The following CDH4 variants were observed in gnomAD, a reference collection of about 807,000 sequenced individuals.
CDH4 encodes cadherin-4.
Under a neutral mutation model 86.0 loss-of-function variants are expected in CDH4, and 33 were observed. The ratio of observed to expected loss-of-function variants is 0.38; its 90% CI spans 0.29 to 0.51. The LOEUF (loss-of-function observed/expected upper bound fraction) is 0.51. CDH4 is among the 20% of genes least tolerant of loss of function. The pLI, the probability that CDH4 is intolerant of heterozygous loss-of-function variation, is 0.86. For missense variants in CDH4, 1,114 were observed against 1,307.4 expected (o/e 0.85, Z 2.28); for synonymous variants, 555 against 549.4 (o/e 1.01, Z -0.14).
At chr20:61,315,525 AAG>A (rs1454654388) in intron 2 of CDH4, among the ~76,000 whole-genome samples, 3 of 152,170 alleles carry the variant, frequency 2.0e-5, no homozygotes, top group African/African-American at 7.2e-5. Flanking sequence ...CAGAAAGAAA[AAG>A]GACGTGAGAA....
intron 3 of CDH4, among the ~76,000 whole-genome samples, chr20:61,768,526 A>AG (rs761643679): frequency 1.7e-4 from 26 of 152,234 alleles, no homozygotes; most frequent in Non-Finnish European, 2.6e-4. Flanking sequence ...AACAGGCACC[A>AG]GGGAAAATCA....
chr20:61,320,347 G>A (rs2084501265), intron 2 of CDH4, among the ~76,000 whole-genome samples: 1 of 152,264 alleles, frequency 6.6e-6, no homozygotes, highest in Admixed American at 6.5e-5. Context: ...TAGGCACAGG[G>A]TGTCATTTTT....
intron 2 of CDH4, chr20:61,719,190 AT>A (rs11440327): frequency 5.5e-3 from 2,045 of 374,744 alleles, no homozygotes; most frequent in Admixed American, 0.012. Context: ...CTAATCAGAG[AT>A]TTTTTTTTTT....
intron 4 of CDH4, among the ~76,000 whole-genome samples, chr20:61,837,824 C>G (rs1568842227): frequency 6.6e-6 from 1 of 152,154 alleles, no homozygotes; most frequent in Non-Finnish European, 1.5e-5. Context: ...CCTTCTCCTC[C>G]TCCTCCTCAT....
intron 2 of CDH4, among the ~76,000 whole-genome samples, chr20:61,585,826 T>C (rs1406544452): frequency 7.0e-6 from 1 of 142,140 alleles, no homozygotes; most frequent in Non-Finnish European, 1.5e-5. Flanking sequence ...AGGATGGTGA[T>C]GATGGTGATG....
chr20:61,479,183 T>G (rs1440380000), intron 2 of CDH4, among the ~76,000 whole-genome samples: 1 of 40,404 alleles, frequency 2.5e-5, no homozygotes, highest in South Asian at 5.8e-4. Flanking sequence ...TTGTTTTTTG[T>G]TTTTTTGTTT....
At chr20:61,559,543 CAG>C (rs2086201638) in intron 2 of CDH4, among the ~76,000 whole-genome samples, 1 of 72,584 alleles carries the variant, frequency 1.4e-5, no homozygotes, top group Non-Finnish European at 2.5e-5. Context: ...TTTTTTGACA[CAG>C]AGTCTCACTC....
At chr20:61,930,187 G>A (rs1198885817) in intron 13 of CDH4, among the ~76,000 whole-genome samples, 1 of 152,188 alleles carries the variant, frequency 6.6e-6, no homozygotes, top group African/African-American at 2.4e-5. Flanking sequence ...ACTTAGCAGA[G>A]GGAAGGTCAG....
intron 2 of CDH4, among the ~76,000 whole-genome samples, chr20:61,277,659 G>A (rs555712995): frequency 9.1e-4 from 138 of 152,346 alleles, no homozygotes; most frequent in African/African-American, 1.2e-3. Context: ...CTGTGTATTC[G>A]GGCTTGCTCG....
In CDH4 at chr20:61,751,701, T is replaced by C. The variant is rs145844462; in HGVS notation, c.396+7912T>C. Among the ~76,000 whole-genome samples, 24 of 152,368 alleles carry C rather than the reference T, an allele frequency of 1.6e-4. No homozygotes were observed. The East Asian group carries it at 3.7e-3, about 23-fold the overall frequency. On this transcript the variant is annotated intron_variant, in intron 3 of 15. Coordinates refer to ENST00000614565, the MANE Select transcript of CDH4 (RefSeq NM_001794.5). The stretch of plus-strand genomic sequence containing the variant: ...TTTTAAAGGGTTATGTAAGTACCTA[T>C]ACGATGTCCTCAATTTTGCCCCTTA...
intron 2 of CDH4, among the ~76,000 whole-genome samples, chr20:61,569,563 G>A (rs73914863): frequency 0.021 from 3,230 of 152,194 alleles, 81 homozygotes; most frequent in African/African-American, 0.058. Context: ...ACTTCAGCAT[G>A]TATTTCCTAA....
chr20:61,294,013 G>C (rs1448708733), intron 2 of CDH4, among the ~76,000 whole-genome samples: 1 of 152,182 alleles, frequency 6.6e-6, no homozygotes, highest in Non-Finnish European at 1.5e-5. Context: ...ACAGTGTGGA[G>C]ACCCCGGGAC....
chr20:61,924,368 C>T lies in CDH4; in HGVS notation c.1663C>T (p.His555Tyr). ...SKLSDPASWL[H>Y]INATNGQITT... is the part of the protein sequence containing the mutation. ...GCTGTCAGACCCAGCGAGCTGGCTG[C>T]ACATCAATGCCACCAACGGCCAGAT... Residue 555 changes from histidine (H) to tyrosine (Y), a missense_variant, in exon 11 of 16, where the codon CAC (histidine) becomes TAC (tyrosine). His to Tyr is a moderately conservative substitution (Grantham distance 83). Coordinates refer to ENST00000614565, the MANE Select transcript of CDH4 (RefSeq NM_001794.5). 6.2e-7 allele frequency: 1 copy of T among 1,613,748 alleles called. No homozygotes were observed. Among genetic ancestry groups the T allele is most frequent in the South Asian group, 1.1e-5 (1 of 91,066 alleles).
At chr20:61,465,549 A>G (rs548694872) in intron 2 of CDH4, among the ~76,000 whole-genome samples, 8 of 152,258 alleles carry the variant, frequency 5.3e-5, no homozygotes, top group African/African-American at 1.9e-4. Flanking sequence ...TGTAAATTGT[A>G]TGGATGTATT....
At chr20:61,889,171 C>T (rs927934097) in intron 7 of CDH4, among the ~76,000 whole-genome samples, 9 of 152,234 alleles carry the variant, frequency 5.9e-5, no homozygotes, top group Admixed American at 2.0e-4. Context: ...GCTCCCCTTG[C>T]ACTTCCGTAG....
chr20:61,463,712 G>A (rs1488373806), intron 2 of CDH4, among the ~76,000 whole-genome samples: 1 of 152,172 alleles, frequency 6.6e-6, no homozygotes, highest in Non-Finnish European at 1.5e-5. Context: ...GCAGTCAAAT[G>A]GTCCGGAAAG....
chr20:61,932,834 C>T (rs376010820), intron 13 of CDH4, 151 bp from the exon 14 acceptor site: 44 of 1,011,746 alleles, frequency 4.3e-5, no homozygotes, highest in East Asian at 3.4e-4. Context: ...GAGACATGCG[C>T]GTGTGCAGTA....
chr20:61,339,047 T>C (rs1004069804), intron 2 of CDH4, among the ~76,000 whole-genome samples: 1 of 151,984 alleles, frequency 6.6e-6, no homozygotes, highest in African/African-American at 2.4e-5. Context: ...AAGCCACACA[T>C]ACACACGCAC....
At chr20:61,812,415 TA>T (rs1980486965) in intron 4 of CDH4, among the ~76,000 whole-genome samples, 2 of 152,092 alleles carry the variant, frequency 1.3e-5, no homozygotes, top group African/African-American at 4.8e-5. Flanking sequence ...TGTGAGCTGT[TA>T]ACAGCCAGCC....
Sources: allele counts gnomAD v4.1 joint callset (sites outside exome capture counted in the v4.1 genomes callset), GRCh38; gene constraint gnomAD v4.1.1; transcripts MANE v1.5; gene names NCBI Gene and HGNC (gene_info 2026-07-23, HGNC 2026-07-21).